ZNF33A: variants seen among roughly 807,000 people sequenced by gnomAD.
ZNF33A encodes brain my041 protein.
ZNF33A carries 9 observed loss-of-function variants against 15.9 expected under a neutral mutation model. The ratio of observed to expected loss-of-function variants is 0.57; its 90% confidence interval spans 0.34 to 0.99. ZNF33A has a LOEUF of 0.99. Ranked by LOEUF, ZNF33A falls within the 50% of genes least tolerant of loss-of-function variation. ZNF33A has a pLI of 0.02. For synonymous variants in ZNF33A, 294 were observed against 324.2 expected, an observed-to-expected ratio of 0.91 and a Z score of 1.00; for missense variants, 843 against 941.6, an observed-to-expected ratio of 0.90 and a Z score of 1.37.
downstream of ZNF33A, among the ~76,000 whole-genome samples, chr10:38,062,041 A>G (rs2066660650): frequency 6.6e-6 from 1 of 152,168 alleles, no homozygotes; most frequent in Admixed American, 6.5e-5. Flanking sequence ...GGGAGGTGGT[A>G]AGGTCATGAG....
chr10:38,028,294 A>G (rs1301011628), intron 4 of ZNF33A, among the ~76,000 whole-genome samples: 1 of 151,994 alleles, frequency 6.6e-6, no homozygotes, highest in Non-Finnish European at 1.5e-5. Flanking sequence ...AAAATAAAAT[A>G]AAATAAAATC....
chr10:38,018,026 A>G (rs1344544555), intron 4 of ZNF33A, among the ~76,000 whole-genome samples: 1 of 152,232 alleles, frequency 6.6e-6, no homozygotes, highest in Admixed American at 6.5e-5. Flanking sequence ...CCCAGGAGGC[A>G]GAGGTTGCAG....
chr10:38,065,311 A>T (rs935813810), downstream of ZNF33A, among the ~76,000 whole-genome samples: 45 of 152,114 alleles, frequency 3.0e-4, no homozygotes, highest in Non-Finnish European at 4.3e-4. Flanking sequence ...ACCTTGGATG[A>T]TCACCCGCCT....
intron 1 of ZNF33A, 135 bp from the exon 2 acceptor site, chr10:38,012,163 G>T: frequency 2.7e-6 from 2 of 753,352 alleles, no homozygotes; most frequent in African/African-American, 1.8e-5. Flanking sequence ...ATTCCAAAGT[G>T]TCAGAGGACA....
intron 4 of ZNF33A, among the ~76,000 whole-genome samples, chr10:38,052,728 A>C (rs2066261990): frequency 6.6e-6 from 1 of 152,108 alleles, no homozygotes. Flanking sequence ...TCAAGACTCA[A>C]AGTAAAAGTT....
rs2066609039 is a variant in ZNF33A, at chr10:38,059,342, T to G, written c.*2782T>G. On this transcript the variant is annotated 3_prime_UTR_variant, in exon 5 of 5. Coordinates refer to ENST00000432900, the MANE Select transcript of ZNF33A (RefSeq NM_006954.2). ...ACACCACTGCTTTTCAGCATTGTAC[T>G]GGAAGTGCTATATAATGCAGTGTTA... 1 of 152,160 alleles carries G rather than the reference T, an allele frequency of 6.6e-6. No individual in the cohort carries two copies. The highest frequency in any genetic ancestry group is 2.1e-4 in the South Asian group (1 of 4,838). The allele number at this position is 152,160 out of a possible 1,614,324, so 9.4% of individuals were successfully genotyped here.
intron 4 of ZNF33A, among the ~76,000 whole-genome samples, chr10:38,022,845 A>G (rs1246327700): frequency 6.6e-6 from 1 of 152,296 alleles, no homozygotes; most frequent in South Asian, 2.1e-4. Flanking sequence ...ATTTCCAAGT[A>G]CAAGAGAGTT....
intron 4 of ZNF33A, among the ~76,000 whole-genome samples, chr10:38,026,737 A>C (rs2135596174): frequency 6.6e-6 from 1 of 152,296 alleles, no homozygotes; most frequent in African/African-American, 2.4e-5. Context: ...TTAAGTAGGG[A>C]TCTAACTTTA....
chr10:38,043,368 G>T (rs2065797267), intron 4 of ZNF33A, among the ~76,000 whole-genome samples: 2 of 107,710 alleles, frequency 1.9e-5, no homozygotes, highest in African/African-American at 3.6e-5. Flanking sequence ...GAGGGGGGAG[G>T]GATAGCATTA....
chr10:38,067,231 G>C (rs649708), downstream of ZNF33A, among the ~76,000 whole-genome samples: 1 of 151,828 alleles, frequency 6.6e-6, no homozygotes, highest in Admixed American at 6.5e-5. Context: ...AAAAGGCAGA[G>C]ATAGGGGTCT....
intron 4 of ZNF33A, among the ~76,000 whole-genome samples, chr10:38,035,465 A>G (rs2065406572): frequency 6.6e-6 from 1 of 152,078 alleles, no homozygotes; most frequent in Non-Finnish European, 1.5e-5. Context: ...CATGTATGGC[A>G]CTGTCAGAAT....
Position 38,056,936 on chromosome 10 carries a change from ATAAT to A in ZNF33A, c.*380_*383del, listed in dbSNP as rs2066508203. ...AGCTTTAAGAACTTAAACAAAGGTA[ATAAT>A]TAAAATAACCTCACAAGAAGTTTAA... On this transcript the variant is annotated 3_prime_UTR_variant, in exon 5 of 5. Transcript: ENST00000432900. The A allele has an allele frequency of 1.1e-6, 1 of 936,406 alleles. No individual in the cohort carries two copies. The highest frequency in any genetic ancestry group is 1.3e-6 in the Non-Finnish European group (1 of 782,844). 58.0% of individuals were successfully genotyped at this position (936,406 alleles called of 1,614,324 possible).
intron 4 of ZNF33A, among the ~76,000 whole-genome samples, chr10:38,041,813 A>G (rs1203952392): frequency 1.3e-5 from 2 of 152,136 alleles, no homozygotes; most frequent in Admixed American, 6.6e-5. Context: ...TCAACCTGTA[A>G]TTGTTACTTT....
At chr10:38,062,233 G>A (rs751645058), downstream of ZNF33A, among the ~76,000 whole-genome samples, 29 of 152,082 alleles carry the variant, frequency 1.9e-4, no homozygotes, top group Non-Finnish European at 3.8e-4. Context: ...TCACCTTTCT[G>A]GCTCTTTCAT....
At chr10:38,046,327 T>G (rs1204293327) in intron 4 of ZNF33A, among the ~76,000 whole-genome samples, 2 of 152,110 alleles carry the variant, frequency 1.3e-5, no homozygotes, top group Non-Finnish European at 2.9e-5. Context: ...CAGTACACAA[T>G]ACTCACATAG....
chr10:38,010,653 C>T (rs759983614), upstream of ZNF33A: 3 of 1,545,014 alleles, frequency 1.9e-6, no homozygotes, highest in Admixed American at 1.7e-5. Context: ...CTGCGCATGC[C>T]TCGTCCGCCG....
chr10:38,061,181 G>A (rs957700398), downstream of ZNF33A, among the ~76,000 whole-genome samples: 4 of 152,118 alleles, frequency 2.6e-5, no homozygotes, highest in African/African-American at 7.2e-5. Flanking sequence ...ATGGCCTATT[G>A]TGAGGTTTGT....
chr10:38,035,063 C>G (rs2065380524), intron 4 of ZNF33A, among the ~76,000 whole-genome samples: 4 of 151,808 alleles, frequency 2.6e-5, no homozygotes, highest in Admixed American at 6.6e-5. Flanking sequence ...AATTACCATA[C>G]CCAACAGTAA....
intron 2 of ZNF33A, among the ~76,000 whole-genome samples, chr10:38,015,805 A>G (rs549268980): frequency 6.1e-4 from 93 of 152,186 alleles, no homozygotes; most frequent in Non-Finnish European, 9.4e-4. Flanking sequence ...CTTGCCTCCT[A>G]TTATCCGTGC....
Sources: gnomAD v4.1 joint callset for allele counts (sites outside exome capture counted in the v4.1 genomes callset) on GRCh38, gnomAD v4.1.1 for gene constraint, MANE v1.5 for transcripts, NCBI Gene and HGNC (gene_info 2026-07-23, HGNC 2026-07-21) for gene names.